Variants in VWCE observed in about 807,000 individuals in gnomAD.
The protein encoded by VWCE is von Willebrand factor C and EGF domains.
A neutral mutation model predicts 102.9 loss-of-function variants in VWCE; 68 were observed. That is an observed-to-expected ratio of 0.66 (90% CI 0.54 to 0.81). VWCE has a LOEUF of 0.81. Ranked by LOEUF, VWCE falls within the 30% of genes least tolerant of loss-of-function variation. The pLI is 0.00. For synonymous variants in VWCE, 497 were observed against 515.4 expected (o/e 0.96, Z 0.48); for missense variants, 1,137 against 1,263.6 (o/e 0.90, Z 1.52).
intron 5 of VWCE, among the ~76,000 whole-genome samples, chr11:61,285,910 C>A (rs912378834): frequency 6.6e-6 from 1 of 152,160 alleles, no homozygotes; most frequent in Non-Finnish European, 1.5e-5. Context: ...CTCGCCACCA[C>A]GCCTGGCTAA....
At chr11:61,285,153 T>C (rs995008797) in intron 5 of VWCE, among the ~76,000 whole-genome samples, 26 of 152,056 alleles carry the variant, frequency 1.7e-4, no homozygotes, top group Admixed American at 1.2e-3. Flanking sequence ...AATTTTATCA[T>C]GGCCGCCCAA....
chr11:61,261,533 A>G (rs1854359698), intron 19 of VWCE, among the ~76,000 whole-genome samples: 1 of 152,064 alleles, frequency 6.6e-6, no homozygotes, highest in South Asian at 2.1e-4. Context: ...GCTTGAGTCC[A>G]GGAGTTGGGA....
Position 61,294,038 on chromosome 11 carries a change from G to A in VWCE, c.110+890C>T, listed in dbSNP as rs1248649755. The stretch of plus-strand genomic sequence containing the variant: ...AACGGACAGGCAGTGCCACCAAGGC[G>A]GCAGATAAAAGGGTGCCCAGGGAGG... On this transcript the variant is annotated intron_variant, in intron 1 of 19. Transcript: ENST00000335613. The surrounding 1 kb of genome is among the most constrained non-coding windows in gnomAD (Gnocchi z 6.3). Among the ~76,000 whole-genome samples, 1 of 152,204 alleles carries A rather than the reference G, an allele frequency of 6.6e-6. No homozygotes were observed. The highest frequency in any genetic ancestry group is 2.4e-5 in the African/African-American group (1 of 41,450).
At position 61,281,784 on chromosome 11, in the gene VWCE, A is replaced by C. The variant is rs1490679939; in HGVS notation, c.787+2T>G. 1.2e-6 allele frequency: 2 copies of C among 1,609,874 alleles called. No individual in the cohort carries two copies. The highest frequency in any genetic ancestry group is 1.7e-5 in the Admixed American group (1 of 59,796). ...GCCGGGATGGAGGGGCCTGGCGCTC[A>C]CCTTCACAGGACACGCGGTCAGCTC... On this transcript the variant is annotated splice_donor_variant, in intron 7 of 19. Transcript: ENST00000335613. LOFTEE classifies it high-confidence loss of function.
At position 61,294,580 on chromosome 11, in the gene VWCE, G is replaced by C. The variant is rs1260765944; in HGVS notation, c.110+348C>G. Among the ~76,000 whole-genome samples the C allele has an allele frequency of 6.6e-6, 1 of 152,160 alleles. No homozygotes were observed. The highest frequency in any genetic ancestry group is 1.5e-5 in the Non-Finnish European group (1 of 68,010). ...GCTGCCCGGGCAGAGCCACGGGCAC[G>C]CTGGGGGGTGAGCCAGCCAGTCCGG... On this transcript the variant is annotated intron_variant, in intron 1 of 19. Coordinates refer to ENST00000335613, the MANE Select transcript of VWCE (RefSeq NM_152718.2). The surrounding 1 kb of genome is among the most constrained non-coding windows in gnomAD (Gnocchi z 6.3).
At position 61,260,126 on chromosome 11, in the gene VWCE, G is replaced by A. The variant is rs554727292; in HGVS notation, c.2231-814C>T. 1.4e-4 allele frequency among the ~76,000 whole-genome samples: 21 copies of A among 152,264 alleles called. No individual in the cohort carries two copies. The South Asian group carries it at 3.7e-3, about 27-fold the overall frequency. ...AAAACTTAACCGGACGTGGTGGCGC[G>A]TGCCTGTAGTCCCAGCTACTCGGGA... On this transcript the variant is annotated intron_variant, in intron 19 of 19. Coordinates refer to ENST00000335613, the MANE Select transcript of VWCE (RefSeq NM_152718.2).
At position 61,290,795 on chromosome 11, in the gene VWCE, T is replaced by C. The variant is rs1720993695; in HGVS notation, c.424+4A>G. ...CCCTCCCCCACCACTCCCAGGCGTC[T>C]CACCTGTACACCTGATGCCAACAGC... On this transcript the variant is annotated splice_donor_region_variant and intron_variant, in intron 4 of 19. Coordinates refer to ENST00000335613, the MANE Select transcript of VWCE (RefSeq NM_152718.2). The C allele has an allele frequency of 1.3e-6, 2 of 1,595,380 alleles. No homozygotes were observed. The highest frequency in any genetic ancestry group is 3.4e-5 in the Admixed American group (2 of 58,658).
intron 11 of VWCE, among the ~76,000 whole-genome samples, chr11:61,276,004 G>A (rs893438903): frequency 2.4e-4 from 37 of 152,168 alleles, no homozygotes; most frequent in Admixed American, 1.9e-3. Context: ...ACTTTGAAAT[G>A]CTTCACTTGA....
intron 4 of VWCE, among the ~76,000 whole-genome samples, chr11:61,288,839 G>GTT (rs34247864): frequency 4.6e-4 from 61 of 133,982 alleles, no homozygotes; most frequent in African/African-American, 1.4e-3. Flanking sequence ...TTTATGGCGC[G>GTT]TTTTTTTTTT....
At chr11:61,279,400 T>C (rs2134804589) in intron 9 of VWCE, among the ~76,000 whole-genome samples, 1 of 151,970 alleles carries the variant, frequency 6.6e-6, no homozygotes, top group African/African-American at 2.4e-5. Flanking sequence ...CGAAACACTG[T>C]TGCCAATAAA....
chr11:61,295,186 G>C lies in VWCE; in HGVS notation c.-149C>G. ...CACGCAGAGCTGAGCAGGGGGGCTT[G>C]GGACGCCGAGAGGAGGGGCCGAGGG... On this transcript the variant is annotated 5_prime_UTR_variant, in exon 1 of 20. Transcript: ENST00000335613. This position sits in a 1 kb window ranked among gnomAD's most constrained non-coding sequence, Gnocchi z 4.6. The C allele has an allele frequency of 2.3e-6, 1 of 442,638 alleles. No individual in the cohort carries two copies. The highest frequency in any genetic ancestry group is 3.7e-6 in the Non-Finnish European group (1 of 269,100). 27.4% of individuals were successfully genotyped at this position (442,638 alleles called of 1,614,324 possible).
chr11:61,292,632 A>G (rs1355787635), intron 1 of VWCE, among the ~76,000 whole-genome samples: 1 of 152,154 alleles, frequency 6.6e-6, no homozygotes, highest in East Asian at 1.9e-4. Flanking sequence ...GAGGTCCAGA[A>G]AGGGCAGGAA....
intron 19 of VWCE, among the ~76,000 whole-genome samples, chr11:61,263,365 T>C (rs377697363): frequency 1.3e-5 from 2 of 151,390 alleles, no homozygotes; most frequent in African/African-American, 2.4e-5. Flanking sequence ...TGGAGGACAT[T>C]ATGCTAAGCG....
In VWCE at chr11:61,260,161, G is replaced by A. The variant is rs537030889; in HGVS notation, c.2231-849C>T. Among the ~76,000 whole-genome samples, 27 of 152,278 alleles carry A rather than the reference G, an allele frequency of 1.8e-4. 1 individual carries two copies. The South Asian group carries it at 5.0e-3, about 28-fold the overall frequency. ...TCCCAGCTACTCGGGAGGCTGAGGC[G>A]CGAGAATCACTTGAACCCAGGTGGC... On this transcript the variant is annotated intron_variant, in intron 19 of 19. Coordinates refer to ENST00000335613, the MANE Select transcript of VWCE (RefSeq NM_152718.2).
rs1376089377 is a variant in VWCE, at chr11:61,291,532, C to T, written c.155G>A (p.Gly52Asp). Residue 52 changes from glycine to aspartate, a missense_variant, in exon 2 of 20, where the codon GGC (glycine) becomes GAC (aspartate). Physicochemically the swap from Gly to Asp is moderately conservative, Grantham distance 94. This residue lies in a region of VWCE where 575 missense variants were observed against 625.9 expected (regional missense o/e 0.92). Transcript: ENST00000335613. ...AGAGGGCGCCCAGCCAGGGCAGCAGCCACTCCCAAACCCAGAGAGGCAGAC... is the reference window on the plus strand; with the variant it reads ...AGAGGGCGCCCAGCCAGGGCAGCAGTCACTCCCAAACCCAGAGAGGCAGAC... The part of the protein sequence containing the change: ...PHVCLSGFGS[G>D]CCPGWAPSMG... The T allele has an allele frequency of 1.3e-6, 2 of 1,502,556 alleles. No homozygotes were observed. The highest frequency in any genetic ancestry group is 8.9e-7 in the Non-Finnish European group (1 of 1,119,814). The allele number at this position is 1,502,556 out of a possible 1,614,324, so 93.1% of individuals were successfully genotyped here. A position where few individuals can be genotyped will look rare whatever the true frequency, so the allele number is the denominator to read the frequency against.
rs138633593 is a variant in VWCE at position 61,267,515 on chromosome 11, T to C, written c.1912A>G (p.Asn638Asp). ...AGCACAGACGGGAAGGTCTCGTTGT[T>C]ATAGAAGATTCTGCCTGTGTAGGTG... ...GCTYTGRIFY[N>D]NETFPSVLDP... Residue 638 changes from asparagine (N) to aspartate (D), a missense_variant, in exon 16 of 20, where the codon AAC becomes GAC. Around this residue, in one of 5 missense-constraint regions of VWCE, gnomAD observed 212 missense variants for 235.1 expected, o/e 0.90. Coordinates refer to ENST00000335613, the MANE Select transcript of VWCE (RefSeq NM_152718.2). 5 of 1,613,970 alleles carry C rather than the reference T, an allele frequency of 3.1e-6. No homozygotes were observed. The African/African-American group carries it at 5.3e-5, about 17-fold the overall frequency.
intron 9 of VWCE, among the ~76,000 whole-genome samples, chr11:61,279,854 CA>C (rs1855060572): frequency 6.6e-6 from 1 of 152,024 alleles, no homozygotes; most frequent in South Asian, 2.1e-4. Flanking sequence ...ATCTCCCAGG[CA>C]GGTAAGATTA....
In VWCE at chr11:61,294,721, G is replaced by T. The variant is rs1400399786; in HGVS notation, c.110+207C>A. On this transcript the variant is annotated intron_variant, in intron 1 of 19. Coordinates refer to ENST00000335613, the MANE Select transcript of VWCE (RefSeq NM_152718.2). The surrounding 1 kb of genome is among the most constrained non-coding windows in gnomAD (Gnocchi z 6.3). ...CCAGGTCCCAGTCTGGACAGCCCCA[G>T]CCAGGGGGGCACGATGAGCACCCGC... Among the ~76,000 whole-genome samples the T allele has an allele frequency of 2.0e-5, 3 of 152,268 alleles. No individual in the cohort carries two copies. Among genetic ancestry groups the T allele is most frequent in the South Asian group, 4.1e-4 (2 of 4,830 alleles).
chr11:61,276,918 G>A (rs1590634982), intron 10 of VWCE, among the ~76,000 whole-genome samples: 1 of 126,146 alleles, frequency 7.9e-6, no homozygotes, highest in East Asian at 2.5e-4. Flanking sequence ...GAGAAAGGGA[G>A]GAGGAGAGGA....
Sources: gnomAD v4.1 joint callset for allele counts (sites outside exome capture counted in the v4.1 genomes callset) on GRCh38, gnomAD v4.1.1 for gene constraint, gnomAD v4.1.1 regional missense constraint, Gnocchi (gnomAD v3.1) non-coding constraint, MANE v1.5 for transcripts, NCBI Gene and HGNC (gene_info 2026-07-23, HGNC 2026-07-21) for gene names.